Variants in GNB1 observed in about 807,000 individuals in gnomAD.
The protein encoded by GNB1 is G protein subunit beta 1.
A neutral mutation model predicts 42.9 loss-of-function variants in GNB1; 2 were observed. That is an observed-to-expected ratio of 0.05 (90% CI 0.02 to 0.15). GNB1 has a LOEUF of 0.15. GNB1 is among the 10% of genes least tolerant of loss of function. The pLI is 1.00. For missense variants in GNB1, 193 were observed against 462.2 expected, an observed-to-expected ratio of 0.42 and a Z score of 5.34; for synonymous variants, 183 against 174.7, an observed-to-expected ratio of 1.05 and a Z score of -0.38.
At chr1:1,838,898 T>G (rs1344025093) in intron 2 of GNB1, among the ~76,000 whole-genome samples, 1 of 152,186 alleles carries the variant, frequency 6.6e-6, no homozygotes, top group Non-Finnish European at 1.5e-5. Context: ...AAGCTTTTTT[T>G]GAGGATCAAA....
chr1:1,854,560 C>G (rs2101566938), intron 1 of GNB1, among the ~76,000 whole-genome samples: 1 of 152,318 alleles, frequency 6.6e-6, no homozygotes. Flanking sequence ...ACTACAAAAC[C>G]TGTTTTAAGG....
intron 1 of GNB1, among the ~76,000 whole-genome samples, chr1:1,847,288 C>T (rs1206446526): frequency 6.6e-6 from 1 of 152,202 alleles, no homozygotes; most frequent in African/African-American, 2.4e-5. Context: ...TGGAACAAGA[C>T]TGGGACAACA....
chr1:1,866,331 A>T (rs1056717374), intron 1 of GNB1, among the ~76,000 whole-genome samples: 1 of 152,254 alleles, frequency 6.6e-6, no homozygotes, highest in Admixed American at 6.5e-5. Context: ...ACTTTGATAC[A>T]TATGTGCATA....
At chr1:1,803,071 T>C (rs1407454778) in intron 7 of GNB1, among the ~76,000 whole-genome samples, 1 of 152,242 alleles carries the variant, frequency 6.6e-6, no homozygotes, top group Non-Finnish European at 1.5e-5. Context: ...GTAGTACTAG[T>C]GACTCCATGA....
At chr1:1,849,727 C>T (rs1486432578) in intron 1 of GNB1, among the ~76,000 whole-genome samples, 1 of 152,026 alleles carries the variant, frequency 6.6e-6, no homozygotes, top group Non-Finnish European at 1.5e-5. Flanking sequence ...TTTCTGGCTA[C>T]ATTCAAAACT....
At chr1:1,798,520 CT>C (rs938096741) in intron 7 of GNB1, among the ~76,000 whole-genome samples, 1 of 152,212 alleles carries the variant, frequency 6.6e-6, no homozygotes, top group Non-Finnish European at 1.5e-5. Context: ...TTAGGCTGGA[CT>C]TCTGATCAAT....
chr1:1,786,471 T>C lies in GNB1; in HGVS notation c.*592A>G, dbSNP rs150508136. 5.7e-5 allele frequency: 10 copies of C among 174,852 alleles called. No individual in the cohort carries two copies. Among genetic ancestry groups the C allele is most frequent in the African/African-American group, 2.1e-4 (9 of 42,638 alleles). The allele number at this position is 174,852 out of a possible 1,614,324, so 10.8% of individuals were successfully genotyped here. On this transcript the variant is annotated 3_prime_UTR_variant, in exon 12 of 12. Transcript: ENST00000378609. ...ATGATCTGTGACATCAGACAGAAAA[T>C]TAAAAACCAGGGACTGAATTTACAT...
chr1:1,815,791 G>C lies in GNB1; in HGVS notation c.168C>G (p.Ala56=), dbSNP rs151180477. The C allele has an allele frequency of 9.9e-6, 16 of 1,608,086 alleles. No homozygotes were observed. The Admixed American group carries it at 1.0e-4, about 10-fold the overall frequency. The change falls in exon 5 of 12, where the codon GCC becomes GCG. Residue 56 remains alanine (A), a synonymous_variant. Coordinates refer to ENST00000378609, the MANE Select transcript of GNB1 (RefSeq NM_002074.5). Reference sequence around the variant, plus strand: ...TGCCCCAGTGCATGGCGTAGATCTTGGCCAGGTGCCCCCGCAGTGTCCTCC... The same window carrying C: ...TGCCCCAGTGCATGGCGTAGATCTTCGCCAGGTGCCCCCGCAGTGTCCTCC... ...RTRRTLRGHL[A]KIYAMHWGTD...
Position 1,790,536 on chromosome 1 carries a change from A to G in GNB1, c.558T>C (p.Asp186=). 3.7e-6 allele frequency: 6 copies of G among 1,613,816 alleles called. No individual in the cohort carries two copies. Among genetic ancestry groups the G allele is most frequent in the Non-Finnish European group, 5.1e-6 (6 of 1,179,746 alleles). ...QTTTFTGHTG[D]VMSLSLAPDT... ...CAGGAGCAAGAGAAAGGCTCATGACATCTCCAGTGTGTCCGGTAAACGTGG... is the reference window on the plus strand; with the variant it reads ...CAGGAGCAAGAGAAAGGCTCATGACGTCTCCAGTGTGTCCGGTAAACGTGG... The change falls in exon 9 of 12, where the codon GAT becomes GAC. Residue 186 remains aspartate (D), a synonymous_variant. Transcript: ENST00000378609. The surrounding 1 kb of genome is among the most constrained non-coding windows in gnomAD (Gnocchi z 5.4).
intron 7 of GNB1, among the ~76,000 whole-genome samples, chr1:1,796,289 G>A (rs948666943): frequency 3.3e-5 from 5 of 152,230 alleles, no homozygotes; most frequent in African/African-American, 9.7e-5. Flanking sequence ...GGCCCAGTCT[G>A]TGAACAGAGA....
chr1:1,822,783 T>A (rs948436352), intron 3 of GNB1, among the ~76,000 whole-genome samples: 1 of 152,160 alleles, frequency 6.6e-6, no homozygotes, highest in Non-Finnish European at 1.5e-5. Context: ...CTTAATTTTT[T>A]AAATTTGGGT....
intron 1 of GNB1, among the ~76,000 whole-genome samples, chr1:1,884,704 A>G (rs1447538567): frequency 1.3e-5 from 2 of 149,510 alleles, no homozygotes; most frequent in Non-Finnish European, 3.0e-5. Flanking sequence ...TTTTTGAGAG[A>G]CGGAGTCTTG....
rs1477128532 is a variant in GNB1, at chr1:1,818,099, C to CT, written c.58-225dup. ...GAGAACCAGTAGTACCCAAATCTGT[C>CT]TAAGACCTGCAGCACAATATTCCTG... On this transcript the variant is annotated intron_variant, in intron 3 of 11. Coordinates refer to ENST00000378609, the MANE Select transcript of GNB1 (RefSeq NM_002074.5). 6.9e-6 allele frequency: 3 copies of CT among 431,896 alleles called. No individual in the cohort carries two copies. The East Asian group carries it at 1.2e-4, about 18-fold the overall frequency. 26.8% of individuals were successfully genotyped at this position (431,896 alleles called of 1,614,324 possible).
At position 1,811,237 on chromosome 1, in the gene GNB1, G is replaced by GC. The variant is rs1262345605; in HGVS notation, c.203+4518dup. On this transcript the variant is annotated intron_variant, in intron 5 of 11. Transcript: ENST00000378609. ...AGTGCAGCTGAAACTACAGGCACTC[G>GC]CCACCACACCTGGCTAATTTTTGTA... Among the ~76,000 whole-genome samples, 4 of 151,644 alleles carry GC rather than the reference G, an allele frequency of 2.6e-5. No individual in the cohort carries two copies. In the East Asian group the frequency reaches 7.9e-4, roughly 30 times the overall value.
chr1:1,841,996 T>C (rs1484596614), intron 1 of GNB1, among the ~76,000 whole-genome samples: 2 of 152,246 alleles, frequency 1.3e-5, no homozygotes, highest in Non-Finnish European at 2.9e-5. Flanking sequence ...TCCAAACAAT[T>C]GAATATTATT....
chr1:1,849,872 C>A (rs1647886772), intron 1 of GNB1, among the ~76,000 whole-genome samples: 2 of 152,142 alleles, frequency 1.3e-5, no homozygotes, highest in South Asian at 2.1e-4. Context: ...AAAAAATTCT[C>A]AACCATTAGC....
chr1:1,796,610 G>A (rs1004703341), intron 7 of GNB1, among the ~76,000 whole-genome samples: 1 of 152,196 alleles, frequency 6.6e-6, no homozygotes, highest in African/African-American at 2.4e-5. Context: ...CACTTCAGGT[G>A]AAAACACGCC....
intron 1 of GNB1, among the ~76,000 whole-genome samples, chr1:1,889,915 C>T (rs1469203679): frequency 6.6e-6 from 1 of 151,394 alleles, no homozygotes; most frequent in Non-Finnish European, 1.5e-5. Context: ...CCGATCCAGG[C>T]AAGAGGAAGA....
chr1:1,812,618 G>A (rs1164331424), intron 5 of GNB1, among the ~76,000 whole-genome samples: 1 of 152,122 alleles, frequency 6.6e-6, no homozygotes, highest in Non-Finnish European at 1.5e-5. Context: ...CCCTGTCCAA[G>A]AACATGGACC....
Sources: allele counts gnomAD v4.1 joint callset (sites outside exome capture counted in the v4.1 genomes callset), GRCh38; gene constraint gnomAD v4.1.1; non-coding constraint Gnocchi (gnomAD v3.1); transcripts MANE v1.5; gene names NCBI Gene and HGNC (gene_info 2026-07-23, HGNC 2026-07-21).